Variants in DLG2 observed in about 807,000 individuals in gnomAD.
The protein encoded by DLG2 is disks large homolog 2.
DLG2 carries 45 observed loss-of-function variants against 132.5 expected under a neutral mutation model. The ratio of observed to expected loss-of-function variants is 0.34; its 90% CI spans 0.27 to 0.44. The LOEUF (loss-of-function observed/expected upper bound fraction) is 0.44. Among genes scored for constraint, DLG2 ranks in the 20% least tolerant of loss-of-function variants. The probability of loss-of-function intolerance (pLI) is 1.00; values close to 1 mark genes in which losing one functional copy is unlikely to be tolerated. For synonymous variants in DLG2, 424 were observed against 419.6 expected, an observed-to-expected ratio of 1.01 and a Z score of -0.13; for missense variants, 1,045 against 1,196.9, an observed-to-expected ratio of 0.87 and a Z score of 1.87.
At chr11:85,111,132 A>C (rs1047057511) in intron 6 of DLG2, among the ~76,000 whole-genome samples, 9 of 152,016 alleles carry the variant, frequency 5.9e-5, no homozygotes, top group Non-Finnish European at 2.9e-5. Flanking sequence ...TTGCATTGAA[A>C]TCTCCCATCT....
intron 6 of DLG2, among the ~76,000 whole-genome samples, chr11:84,644,420 T>C (rs920022259): frequency 1.3e-5 from 2 of 152,116 alleles, no homozygotes; most frequent in East Asian, 3.9e-4. Context: ...AGATGTCTTA[T>C]TGGAGGCCGG....
rs562843258 is a variant in DLG2 at position 85,468,641 on chromosome 11, T to C, written c.40+130016A>G. ...GCGGTTTTGAGTGAGTTTCTTAATC[T>C]TGAGTTCTAGTTTGATTGCACTGTG... On this transcript the variant is annotated intron_variant, in intron 3 of 27. Coordinates refer to ENST00000376104, the MANE Select transcript of DLG2 (RefSeq NM_001142699.3). Among the ~76,000 whole-genome samples the C allele has an allele frequency of 2.4e-4, 37 of 152,272 alleles. No individual in the cohort carries two copies. The South Asian group carries it at 6.6e-3, about 27-fold the overall frequency.
chr11:84,519,916 T>A (rs1258784341), intron 7 of DLG2, among the ~76,000 whole-genome samples: 4 of 152,184 alleles, frequency 2.6e-5, no homozygotes, highest in Admixed American at 2.6e-4. Context: ...TTTGTGGGTA[T>A]AGTTTTGTGG....
chr11:85,354,009 A>C (rs545517434), intron 3 of DLG2, among the ~76,000 whole-genome samples: 1 of 150,728 alleles, frequency 6.6e-6, no homozygotes, highest in East Asian at 1.9e-4. Flanking sequence ...GAAATTCCTT[A>C]ATAAAAAAAA....
chr11:84,295,283 G>C (rs1037225464), intron 7 of DLG2, among the ~76,000 whole-genome samples: 1 of 152,144 alleles, frequency 6.6e-6, no homozygotes, highest in Admixed American at 6.5e-5. Context: ...TGGGGGTTAT[G>C]TTAAAATAAT....
intron 3 of DLG2, among the ~76,000 whole-genome samples, chr11:85,400,172 C>T (rs2087906398): frequency 1.3e-5 from 2 of 152,066 alleles, no homozygotes; most frequent in African/African-American, 4.8e-5. Flanking sequence ...CCAAAAGACA[C>T]ATGAAAAAAT....
chr11:85,085,815 C>T (rs1291376535), intron 6 of DLG2, among the ~76,000 whole-genome samples: 6 of 152,146 alleles, frequency 3.9e-5, no homozygotes, highest in Non-Finnish European at 8.8e-5. Context: ...TCCTTAAACA[C>T]TCACTACATT....
intron 3 of DLG2, among the ~76,000 whole-genome samples, chr11:85,520,869 G>T (rs2074254972): frequency 6.6e-6 from 1 of 151,722 alleles, no homozygotes; most frequent in African/African-American, 2.4e-5. Flanking sequence ...AAATCAAAAC[G>T]GATTAAAGAC....
chr11:84,949,874 T>C (rs1175288778), intron 6 of DLG2, among the ~76,000 whole-genome samples: 3 of 152,170 alleles, frequency 2.0e-5, no homozygotes, highest in African/African-American at 4.8e-5. Flanking sequence ...AAGACAGGCA[T>C]AGGAAATCAC....
At chr11:83,868,188 G>A (rs1038284951) in intron 16 of DLG2, among the ~76,000 whole-genome samples, 4 of 152,106 alleles carry the variant, frequency 2.6e-5, no homozygotes, top group African/African-American at 9.7e-5. Flanking sequence ...ACCCAGGGAT[G>A]GAAGGAAGGC....
chr11:83,921,086 C>T (rs1419724323), intron 15 of DLG2, among the ~76,000 whole-genome samples: 1 of 152,118 alleles, frequency 6.6e-6, no homozygotes, highest in African/African-American at 2.4e-5. Flanking sequence ...GAAAGGTTAG[C>T]TAACTGTTTC....
At chr11:84,769,147 GA>G (rs1159012204) in intron 6 of DLG2, among the ~76,000 whole-genome samples, 2 of 151,994 alleles carry the variant, frequency 1.3e-5, no homozygotes, top group African/African-American at 4.8e-5. Context: ...AACCAAAATG[GA>G]AATTCAGAAA....
At chr11:83,924,636 C>A (rs534198368) in intron 15 of DLG2, among the ~76,000 whole-genome samples, 34 of 152,224 alleles carry the variant, frequency 2.2e-4, no homozygotes, top group African/African-American at 7.2e-4. Context: ...TGAACGGAAA[C>A]AGTCTTTTAT....
At chr11:84,464,150 T>G (rs2099087819) in intron 7 of DLG2, among the ~76,000 whole-genome samples, 1 of 151,194 alleles carries the variant, frequency 6.6e-6, no homozygotes, top group African/African-American at 2.4e-5. Context: ...CTACTATATA[T>G]TAAGGGCTGT....
intron 7 of DLG2, among the ~76,000 whole-genome samples, chr11:84,313,053 AC>A (rs1335334305): frequency 2.6e-5 from 4 of 151,358 alleles, no homozygotes; most frequent in Admixed American, 1.3e-4. Flanking sequence ...CTCCTGATCC[AC>A]CCGCCTCAGC....
intron 7 of DLG2, among the ~76,000 whole-genome samples, chr11:84,444,901 G>A (rs974352098): frequency 6.6e-6 from 1 of 151,296 alleles, no homozygotes; most frequent in Non-Finnish European, 1.5e-5. Flanking sequence ...TTCCCAGGTT[G>A]AAGCGATTCT....
chr11:85,124,262 T>C (rs563563183), intron 5 of DLG2, among the ~76,000 whole-genome samples: 44 of 152,366 alleles, frequency 2.9e-4, no homozygotes, highest in African/African-American at 1.0e-3. Flanking sequence ...TTTGCTTAAG[T>C]ATTTATGTGA....
At chr11:85,357,822 T>C (rs1015759276) in intron 3 of DLG2, among the ~76,000 whole-genome samples, 38 of 147,688 alleles carry the variant, frequency 2.6e-4, no homozygotes, top group African/African-American at 8.0e-4. Flanking sequence ...CTGTTAGAGG[T>C]GAATGTTATA....
chr11:84,885,518 TG>T (rs2088117858), intron 6 of DLG2, among the ~76,000 whole-genome samples: 2 of 152,056 alleles, frequency 1.3e-5, no homozygotes, highest in South Asian at 4.1e-4. Context: ...TGTTTTGTAA[TG>T]TTTTATAGTA....
Sources: allele counts gnomAD v4.1 joint callset (sites outside exome capture counted in the v4.1 genomes callset), GRCh38; gene constraint gnomAD v4.1.1; transcripts MANE v1.5; gene names NCBI Gene and HGNC (gene_info 2026-07-23, HGNC 2026-07-21).